The following LATS1 variants were observed in gnomAD, a reference collection of about 807,000 sequenced individuals.
LATS1 encodes the protein serine/threonine-protein kinase LATS1.
A neutral mutation model predicts 106.6 loss-of-function variants in LATS1; 25 were observed. That is an observed-to-expected ratio of 0.23 (90% CI 0.17 to 0.33). LATS1 has a LOEUF of 0.33. Ranked by LOEUF, LATS1 falls within the 10% of genes least tolerant of loss-of-function variation. The pLI is 1.00. For synonymous variants in LATS1, 465 were observed against 455.6 expected (o/e 1.02, Z -0.26); for missense variants, 1,040 against 1,382.6 (o/e 0.75, Z 3.93).
At chr6:149,707,795 T>C (rs1451365301) in intron 1 of LATS1, among the ~76,000 whole-genome samples, 1 of 152,200 alleles carries the variant, frequency 6.6e-6, no homozygotes, top group Non-Finnish European at 1.5e-5. Context: ...GGGATATAAA[T>C]GAGACAGAAG....
chr6:149,713,953 C>T (rs1483580671), intron 1 of LATS1, among the ~76,000 whole-genome samples: 2 of 151,822 alleles, frequency 1.3e-5, no homozygotes, highest in South Asian at 2.1e-4. Context: ...TGAACCACTG[C>T]GCACGGCCTC....
chr6:149,668,007 G>A (rs544864423), intron 7 of LATS1, among the ~76,000 whole-genome samples: 3 of 151,406 alleles, frequency 2.0e-5, no homozygotes, highest in East Asian at 2.0e-4. Flanking sequence ...TACAACCTCC[G>A]CCTCCTGGGT....
At chr6:149,673,091 CTTTTCT>C (rs1346845976) in intron 7 of LATS1, among the ~76,000 whole-genome samples, 77 of 128,842 alleles carry the variant, frequency 6.0e-4, no homozygotes, top group African/African-American at 2.2e-3. Context: ...CTTTTCTTTT[CTTTTCT>C]TTTTTTTTTT....
rs759453470 is a variant in LATS1, at chr6:149,695,240, TA to T, written c.349-20del. ...CCATATCCTGATATGAATTGAAGTT[TA>T]AAAAAAAAGAAACAAAATTTAAATC... On this transcript the variant is annotated intron_variant, in intron 2 of 7. Coordinates refer to ENST00000543571, the MANE Select transcript of LATS1 (RefSeq NM_004690.4). The T allele has an allele frequency of 4.4e-4, 669 of 1,505,796 alleles. No individual in the cohort carries two copies. The highest frequency in any genetic ancestry group is 8.3e-4 in the South Asian group (68 of 81,454). 93.3% of individuals were successfully genotyped at this position (1,505,796 alleles called of 1,614,324 possible).
chr6:149,679,578 T>C (rs1163031080), intron 5 of LATS1, among the ~76,000 whole-genome samples: 2 of 151,586 alleles, frequency 1.3e-5, no homozygotes, highest in African/African-American at 4.9e-5. Flanking sequence ...AAATTGTTTG[T>C]CTGGCATATT....
At chr6:149,706,183 CAAAAAAAAAAAAAAAAAAAAAAAAAAAA>C (rs60729757) in intron 1 of LATS1, among the ~76,000 whole-genome samples, 3 of 25,266 alleles carry the variant, frequency 1.2e-4, no homozygotes, top group Non-Finnish European at 2.1e-4. Flanking sequence ...AACCCGGTCG[CAAAAAAAAAAAAAAAAAAAAAAAAAAAA>C]AAAAAAAAAA....
chr6:149,679,548 T>TAA (rs1488503743), intron 5 of LATS1, among the ~76,000 whole-genome samples: 1 of 104,290 alleles, frequency 9.6e-6, no homozygotes. Context: ...CGAGACTCCA[T>TAA]CAAAAAAAAA....
chr6:149,704,132 T>C (rs1042211865), intron 1 of LATS1, among the ~76,000 whole-genome samples: 12 of 152,118 alleles, frequency 7.9e-5, no homozygotes, highest in African/African-American at 2.9e-4. Context: ...GCCTCCCGAA[T>C]AGCTGGGATT....
At chr6:149,694,418 T>C (rs1782947174) in intron 3 of LATS1, among the ~76,000 whole-genome samples, 2 of 152,174 alleles carry the variant, frequency 1.3e-5, no homozygotes, top group Admixed American at 1.3e-4. Context: ...TAGGTAAGCC[T>C]CCCGCATCAG....
At chr6:149,682,705 T>C (rs1431192585) in intron 4 of LATS1, among the ~76,000 whole-genome samples, 1 of 152,154 alleles carries the variant, frequency 6.6e-6, no homozygotes, top group Non-Finnish European at 1.5e-5. Flanking sequence ...TGAGCCCCCA[T>C]GCCCCAGCCT....
At chr6:149,694,457 G>T (rs774651870) in intron 3 of LATS1, among the ~76,000 whole-genome samples, 1 of 152,270 alleles carries the variant, frequency 6.6e-6, no homozygotes, top group East Asian at 1.9e-4. Flanking sequence ...TTATAGGTGT[G>T]AGCCACTGCA....
chr6:149,675,918 C>G (rs553539473), intron 7 of LATS1: 154 of 236,712 alleles, frequency 6.5e-4, no homozygotes, highest in Non-Finnish European at 1.1e-3. Flanking sequence ...AGGGGGGATA[C>G]AAGATTATGG....
chr6:149,682,887 A>G (rs1313398249), intron 4 of LATS1, 192 bp downstream of exon 4: 1 of 572,988 alleles, frequency 1.7e-6, no homozygotes, highest in African/African-American at 1.9e-5. Flanking sequence ...AATTCTGAAT[A>G]AATATTGAAA....
intron 7 of LATS1, among the ~76,000 whole-genome samples, chr6:149,674,608 A>C (rs1781611824): frequency 6.7e-6 from 1 of 148,480 alleles, no homozygotes; most frequent in African/African-American, 2.5e-5. Flanking sequence ...TCCTGGGCTC[A>C]AGTGATCTGT....
intron 3 of LATS1, among the ~76,000 whole-genome samples, chr6:149,688,402 G>A (rs1439437545): frequency 6.6e-6 from 1 of 151,802 alleles, no homozygotes; most frequent in African/African-American, 2.4e-5. Flanking sequence ...TCTGCCTCCC[G>A]GGTTTAAATG....
In LATS1 at chr6:149,660,830, G is replaced by C. The variant is rs1780855620; in HGVS notation, c.*899C>G. 1 of 216,304 alleles carries C rather than the reference G, an allele frequency of 4.6e-6. No homozygotes were observed. The highest frequency in any genetic ancestry group is 9.3e-6 in the Non-Finnish European group (1 of 107,332). 13.4% of individuals were successfully genotyped at this position (216,304 alleles called of 1,614,324 possible). On this transcript the variant is annotated 3_prime_UTR_variant, in exon 8 of 8. Transcript: ENST00000543571. ...CTGTATATGCAGCACTGTTCTGAAAGAGGAAACAGGTAACATTGATGATAT... is the reference window on the plus strand; with the variant it reads ...CTGTATATGCAGCACTGTTCTGAAACAGGAAACAGGTAACATTGATGATAT...
At chr6:149,708,090 C>T (rs1340296348) in intron 1 of LATS1, among the ~76,000 whole-genome samples, 1 of 152,064 alleles carries the variant, frequency 6.6e-6, no homozygotes, top group East Asian at 1.9e-4. Flanking sequence ...TAAATACATG[C>T]AATTAAAATA....
At chr6:149,677,753 T>C (rs1309748243) in intron 5 of LATS1, among the ~76,000 whole-genome samples, 2 of 152,128 alleles carry the variant, frequency 1.3e-5, no homozygotes, top group African/African-American at 4.8e-5. Flanking sequence ...TTATCTGGGA[T>C]GTTTGATTAA....
chr6:149,692,150 T>A (rs1407355492), intron 3 of LATS1, among the ~76,000 whole-genome samples: 1 of 152,218 alleles, frequency 6.6e-6, no homozygotes, highest in Non-Finnish European at 1.5e-5. Flanking sequence ...TTACCCTGCT[T>A]GAAACACTTC....
Sources: allele counts gnomAD v4.1 joint callset (sites outside exome capture counted in the v4.1 genomes callset), GRCh38; gene constraint gnomAD v4.1.1; transcripts MANE v1.5; gene names NCBI Gene and HGNC (gene_info 2026-07-23, HGNC 2026-07-21).